The following OR51B5 variants were observed in gnomAD, a reference collection of about 807,000 sequenced individuals.
OR51B5 encodes the protein olfactory receptor 51B5.
For synonymous variants in OR51B5, 186 were observed against 144.8 expected, an observed-to-expected ratio of 1.28 and a Z score of -2.04; for missense variants, 456 against 374.6, an observed-to-expected ratio of 1.22 and a Z score of -1.79.
At chr11:5,344,935 G>T (rs948515778), upstream of OR51B5, among the ~76,000 whole-genome samples, 1 of 152,114 alleles carries the variant, frequency 6.6e-6, no homozygotes, top group African/African-American at 2.4e-5. Context: ...GCACCTATGA[G>T]GAGGTCCCAT....
At chr11:5,464,878 G>T (rs1157366925) in intron 1 of OR51B5, among the ~76,000 whole-genome samples, 1 of 152,134 alleles carries the variant, frequency 6.6e-6, no homozygotes, top group Non-Finnish European at 1.5e-5. Context: ...TTCCACAATG[G>T]TTGAACTAGT....
chr11:5,440,516 GT>G (rs1850661544), intron 1 of OR51B5: 2 of 1,292,120 alleles, frequency 1.5e-6, no homozygotes, highest in Admixed American at 3.8e-5. Flanking sequence ...TCCTTAAGTT[GT>G]TAACATGTCC....
intron 1 of OR51B5, among the ~76,000 whole-genome samples, chr11:5,480,535 C>T (rs1390109029): frequency 1.3e-5 from 2 of 150,168 alleles, no homozygotes; most frequent in South Asian, 2.1e-4. Flanking sequence ...AATAGAGACA[C>T]AAAAAACCCT....
chr11:5,397,687 C>A (rs1312455511), intron 1 of OR51B5, among the ~76,000 whole-genome samples: 11 of 151,128 alleles, frequency 7.3e-5, no homozygotes, highest in Non-Finnish European at 7.4e-5. Context: ...TTGACCCAGC[C>A]ATCCCATTAC....
intron 1 of OR51B5, among the ~76,000 whole-genome samples, chr11:5,384,468 C>T (rs542333117): frequency 4.6e-5 from 7 of 152,320 alleles, no homozygotes; most frequent in Non-Finnish European, 8.8e-5. Context: ...AGGACCTTCT[C>T]TTGCTGGAAA....
At chr11:5,502,964 T>G (rs1264598422) in intron 1 of OR51B5, among the ~76,000 whole-genome samples, 1 of 152,212 alleles carries the variant, frequency 6.6e-6, no homozygotes, top group African/African-American at 2.4e-5. Flanking sequence ...CAGGAAATAT[T>G]TATTGAACTG....
intron 1 of OR51B5, chr11:5,362,764 CTATAAAG>C (rs1849304629): frequency 1.0e-5 from 1 of 95,266 alleles, no homozygotes; most frequent in Non-Finnish European, 2.3e-5. Flanking sequence ...CTTGTGATAT[CTATAAAG>C]AGTATCTCCT....
intron 1 of OR51B5, among the ~76,000 whole-genome samples, chr11:5,477,633 C>G (rs400525): frequency 0.12 from 18,522 of 152,050 alleles, 1,230 homozygotes; most frequent in East Asian, 0.21. Context: ...GCCAGACAGT[C>G]GGCGCAGGTC....
At chr11:5,410,178 G>C (rs974603409) in intron 1 of OR51B5, among the ~76,000 whole-genome samples, 7 of 152,074 alleles carry the variant, frequency 4.6e-5, no homozygotes, top group Non-Finnish European at 1.0e-4. Flanking sequence ...GAAATATGGA[G>C]TGAAATTAAA....
chr11:5,379,989 T>TAAAAA (rs10694400), intron 1 of OR51B5, among the ~76,000 whole-genome samples: 9 of 145,578 alleles, frequency 6.2e-5, no homozygotes, highest in African/African-American at 1.8e-4. Flanking sequence ...AACAAAACTT[T>TAAAAA]AAAAAAAAAA....
intron 1 of OR51B5, among the ~76,000 whole-genome samples, chr11:5,426,259 G>A (rs1850449082): frequency 6.6e-6 from 1 of 152,022 alleles, no homozygotes; most frequent in African/African-American, 2.4e-5. Flanking sequence ...TTTTTAGGGT[G>A]GTGGAATCAT....
chr11:5,403,211 T>C, intron 1 of OR51B5: 1 of 471,390 alleles, frequency 2.1e-6, no homozygotes, highest in South Asian at 1.5e-5. Flanking sequence ...TTTTCATTGT[T>C]ACCTCTACTT....
At chr11:5,462,577 T>C (rs1169399482) in intron 1 of OR51B5, among the ~76,000 whole-genome samples, 1 of 152,220 alleles carries the variant, frequency 6.6e-6, no homozygotes. Flanking sequence ...TTCACCCAGA[T>C]AGTGTTTTAA....
chr11:5,418,424 A>G lies in OR51B5; in HGVS notation n.85-71514T>C, dbSNP rs1224551136. On this transcript the variant is annotated intron_variant and non_coding_transcript_variant, in intron 1 of 4. Coordinates refer to the OR51B5 transcript ENST00000415970. ...GTATAATAATAATAAAAACAAAACA[A>G]AACAAAACAAAAAGAAAAACAAAAC... Among the ~76,000 whole-genome samples, 7 of 150,566 alleles carry G rather than the reference A, an allele frequency of 4.6e-5. No homozygotes were observed. In the East Asian group the frequency reaches 1.4e-3, roughly 29 times the overall value.
chr11:5,445,096 G>C (rs1850741520), intron 1 of OR51B5, among the ~76,000 whole-genome samples: 1 of 152,050 alleles, frequency 6.6e-6, no homozygotes, highest in African/African-American at 2.4e-5. Context: ...GTCACTAATT[G>C]TATGTATTGT....
chr11:5,410,492 C>A (rs114875864), intron 1 of OR51B5, among the ~76,000 whole-genome samples: 3,873 of 152,156 alleles, frequency 0.025, 155 homozygotes, highest in African/African-American at 0.085. Context: ...TTTCAATCAA[C>A]AACGGACTGC....
chr11:5,485,531 T>C (rs1020135535), intron 1 of OR51B5, among the ~76,000 whole-genome samples: 8 of 152,130 alleles, frequency 5.3e-5, no homozygotes, highest in Admixed American at 5.2e-4. Context: ...AGGATCCCCC[T>C]CCAACTCAGA....
chr11:5,341,023 C>T (rs1191533643), downstream of OR51B5: 2 of 152,136 alleles, frequency 1.3e-5, no homozygotes, highest in African/African-American at 4.8e-5. Context: ...GGATAAAAAA[C>T]ATGATAAAGC....
chr11:5,364,164 C>T (rs1035890664), intron 1 of OR51B5, among the ~76,000 whole-genome samples: 1 of 152,128 alleles, frequency 6.6e-6, no homozygotes, highest in African/African-American at 2.4e-5. Context: ...GTTCAACAAG[C>T]GACCACCTAA....
Sources: gnomAD v4.1 joint callset for allele counts (sites outside exome capture counted in the v4.1 genomes callset) on GRCh38, gnomAD v4.1.1 for gene constraint, MANE v1.5 for transcripts, NCBI Gene and HGNC (gene_info 2026-07-23, HGNC 2026-07-21) for gene names.